Variants in CAMK2A observed in about 807,000 individuals in gnomAD.
CAMK2A encodes calcium/calmodulin-dependent protein kinase type II subunit alpha.
Under a neutral mutation model 79.2 loss-of-function variants are expected in CAMK2A, and 7 were observed. The observed-to-expected ratio is 0.09, with a 90% CI of 0.05 to 0.17. The LOEUF is 0.17. Among genes scored for constraint, CAMK2A ranks in the 10% least tolerant of loss-of-function variants. CAMK2A has a pLI of 1.00. For synonymous variants in CAMK2A, 242 were observed against 251.7 expected (o/e 0.96, Z 0.36); for missense variants, 214 against 646.4 (o/e 0.33, Z 7.25).
chr5:150,287,077 C>T (rs1757453440), intron 1 of CAMK2A, among the ~76,000 whole-genome samples: 2 of 152,152 alleles, frequency 1.3e-5, no homozygotes, highest in Non-Finnish European at 2.9e-5. Context: ...GGGCACTGCC[C>T]CTCCCTGCAC....
intron 7 of CAMK2A, 46 bp from the exon 8 acceptor site, chr5:150,252,111 C>T: frequency 7.0e-7 from 1 of 1,435,240 alleles, no homozygotes; most frequent in Non-Finnish European, 9.8e-7. Context: ...CAGAGGTTGT[C>T]TCGTAAGTAA....
intron 11 of CAMK2A, among the ~76,000 whole-genome samples, chr5:150,248,043 C>T (rs1755651382): frequency 6.6e-6 from 1 of 152,294 alleles, no homozygotes; most frequent in South Asian, 2.1e-4. Flanking sequence ...CAGTACAGCT[C>T]CTGGGACAAG....
chr5:150,245,523 C>T (rs151240747), intron 12 of CAMK2A, among the ~76,000 whole-genome samples: 1 of 152,170 alleles, frequency 6.6e-6, no homozygotes, highest in Admixed American at 6.5e-5. Context: ...CTCTGAATCC[C>T]TGTCACCACC....
rs1440871314 is a variant in CAMK2A, at chr5:150,250,321, A to C, written c.817-12T>G. 1.2e-6 allele frequency: 2 copies of C among 1,611,242 alleles called. No homozygotes were observed. The highest frequency in any genetic ancestry group is 2.7e-5 in the African/African-American group (2 of 74,858). On this transcript the variant is annotated splice_polypyrimidine_tract_variant and intron_variant, in intron 10 of 18. Coordinates refer to ENST00000671881, the MANE Select transcript of CAMK2A (RefSeq NM_015981.4). ...ACGGTGGAGCGGTGCTGGAGGAAGT[A>C]GGGGAGAGGGCTGTGAGTGGAAGGC...
chr5:150,256,912 G>T lies in CAMK2A; in HGVS notation c.273-81C>A, dbSNP rs977180733. ...CTGGAGGAGTCTCCAGGAAACTAAGGATGGGGCCCAGGGACCTCAGGACCT... is the reference window on the plus strand; with the variant it reads ...CTGGAGGAGTCTCCAGGAAACTAAGTATGGGGCCCAGGGACCTCAGGACCT... On this transcript the variant is annotated intron_variant, in intron 4 of 18. Coordinates refer to ENST00000671881, the MANE Select transcript of CAMK2A (RefSeq NM_015981.4). The surrounding 1 kb of genome is among the most constrained non-coding windows in gnomAD (Gnocchi z 4.6). 8.1e-5 allele frequency: 103 copies of T among 1,274,170 alleles called. No individual in the cohort carries two copies. Among genetic ancestry groups the T allele is most frequent in the Non-Finnish European group, 1.1e-4 (98 of 905,174 alleles). 78.9% of individuals were successfully genotyped at this position (1,274,170 alleles called of 1,614,324 possible). A position where few individuals can be genotyped will look rare whatever the true frequency, so the allele number is the denominator to read the frequency against.
chr5:150,262,003 C>A (rs549768978), intron 3 of CAMK2A, among the ~76,000 whole-genome samples: 1 of 152,358 alleles, frequency 6.6e-6, no homozygotes, highest in African/African-American at 2.4e-5. Context: ...TAGCACAGTG[C>A]AAGTCCCCTG....
At chr5:150,250,116 C>T in intron 11 of CAMK2A, 110 bp downstream of exon 11, 1 of 803,504 alleles carries the variant, frequency 1.2e-6, no homozygotes, top group Admixed American at 2.0e-5. Flanking sequence ...TCAATAAATG[C>T]TTATTGAATC....
In CAMK2A at chr5:150,256,952, G is replaced by T; in HGVS notation, c.273-121C>A. The T allele has an allele frequency of 1.3e-6, 1 of 761,482 alleles. No homozygotes were observed. The highest frequency in any genetic ancestry group is 2.1e-6 in the Non-Finnish European group (1 of 474,100). 47.2% of individuals were successfully genotyped at this position (761,482 alleles called of 1,614,324 possible). On this transcript the variant is annotated intron_variant, in intron 4 of 18. Transcript: ENST00000671881. This position sits in a 1 kb window ranked among gnomAD's most constrained non-coding sequence, Gnocchi z 4.6. ...CCTCAGGACCTCAGCCACAAAAGGA[G>T]GGGCCCCAGGGTCACGGGGGTGTCC...
intron 16 of CAMK2A, 149 bp downstream of exon 16, chr5:150,231,156 T>C (rs901992743): frequency 2.2e-6 from 1 of 449,494 alleles, no homozygotes; most frequent in Non-Finnish European, 4.1e-6. Context: ...CAAGTCCGGA[T>C]GCAAAATAGA....
chr5:150,255,435 G>A (rs1423714894), intron 6 of CAMK2A, among the ~76,000 whole-genome samples: 2 of 152,268 alleles, frequency 1.3e-5, no homozygotes, highest in East Asian at 3.8e-4. Context: ...CCCAGGATGA[G>A]GCTGGCCTGA....
At chr5:150,288,877 G>T (rs544559811) in intron 1 of CAMK2A, among the ~76,000 whole-genome samples, 3 of 152,240 alleles carry the variant, frequency 2.0e-5, no homozygotes, top group African/African-American at 7.2e-5. Flanking sequence ...AACTTTGCTT[G>T]TCCAGAGCCA....
chr5:150,270,229 C>A (rs1300378270), intron 2 of CAMK2A, among the ~76,000 whole-genome samples: 1 of 152,190 alleles, frequency 6.6e-6, no homozygotes, highest in Non-Finnish European at 1.5e-5. Context: ...GGGGCTTGGG[C>A]CCCACCTACT....
At chr5:150,264,911 G>GC in intron 3 of CAMK2A, 45 bp downstream of exon 3, 5 of 1,528,532 alleles carry the variant, frequency 3.3e-6, no homozygotes, top group Non-Finnish European at 4.5e-6. Flanking sequence ...GGGCAGGGGA[G>GC]CAGGGCCTGG....
intron 7 of CAMK2A, among the ~76,000 whole-genome samples, chr5:150,252,543 C>T (rs1328559023): frequency 6.6e-6 from 1 of 152,206 alleles, no homozygotes; most frequent in African/African-American, 2.4e-5. Flanking sequence ...GACTTTGCCC[C>T]TTGGGTACGT....
chr5:150,279,011 C>T (rs1346869431), intron 1 of CAMK2A, among the ~76,000 whole-genome samples: 1 of 152,118 alleles, frequency 6.6e-6, no homozygotes, highest in Admixed American at 6.5e-5. Context: ...TGGGCAAGAA[C>T]CAGCCCCAGT....
chr5:150,271,766 A>G (rs1756758118), intron 2 of CAMK2A, among the ~76,000 whole-genome samples: 1 of 152,200 alleles, frequency 6.6e-6, no homozygotes, highest in Admixed American at 6.5e-5. Flanking sequence ...TACCACCATC[A>G]CTGTCTCAAA....
At chr5:150,225,423 G>A (rs1754554314) in intron 17 of CAMK2A, among the ~76,000 whole-genome samples, 1 of 152,200 alleles carries the variant, frequency 6.6e-6, no homozygotes, top group South Asian at 2.1e-4. Context: ...GCCCTTGTGG[G>A]TTCAGCCTTG....
chr5:150,271,093 G>T (rs950163321), intron 2 of CAMK2A, among the ~76,000 whole-genome samples: 3 of 152,186 alleles, frequency 2.0e-5, no homozygotes, highest in Non-Finnish European at 4.4e-5. Context: ...CATCTCCCTT[G>T]GTTACTCAAC....
In CAMK2A at chr5:150,222,485, G is replaced by C; in HGVS notation, c.*225C>G. 1 of 704,594 alleles carries C rather than the reference G, an allele frequency of 1.4e-6. No individual in the cohort carries two copies. The highest frequency in any genetic ancestry group is 2.3e-4 in the Middle Eastern group (1 of 4,310). The allele number at this position is 704,594 out of a possible 1,614,324, so 43.6% of individuals were successfully genotyped here. ...GCCTGAGGAAGCCCCAGCCTGGCAG[G>C]GGAGAGGGTGGGGGTGAGAGGTGGG... is the stretch of plus-strand genomic sequence containing the variant. On this transcript the variant is annotated 3_prime_UTR_variant, in exon 19 of 19. Coordinates refer to ENST00000671881, the MANE Select transcript of CAMK2A (RefSeq NM_015981.4).
Sources: allele counts gnomAD v4.1 joint callset (sites outside exome capture counted in the v4.1 genomes callset), GRCh38; gene constraint gnomAD v4.1.1; non-coding constraint Gnocchi (gnomAD v3.1); transcripts MANE v1.5; gene names NCBI Gene and HGNC (gene_info 2026-07-23, HGNC 2026-07-21).